SPA17: variants seen among roughly 807,000 people sequenced by gnomAD.
SPA17 encodes the protein sperm surface protein Sp17.
A neutral mutation model predicts 13.8 loss-of-function variants in SPA17; 7 were observed. That is an observed-to-expected ratio of 0.51 (90% CI 0.29 to 0.95). The LOEUF (loss-of-function observed/expected upper bound fraction) is 0.95. Ranked by LOEUF, SPA17 falls within the 40% of genes least tolerant of loss-of-function variation. SPA17 has a pLI of 0.08. For synonymous variants in SPA17, 61 were observed against 59.0 expected, an observed-to-expected ratio of 1.03 and a Z score of -0.16; for missense variants, 170 against 179.3, an observed-to-expected ratio of 0.95 and a Z score of 0.30.
At chr11:124,675,681 C>A in intron 2 of SPA17, 1 of 302,380 alleles carries the variant, frequency 3.3e-6, no homozygotes, top group Non-Finnish European at 6.2e-6. Context: ...AAGGTAACTG[C>A]AAAAGAGCAT....
At position 124,694,466 on chromosome 11, in the gene SPA17, A is replaced by G. The variant is rs1386500048; in HGVS notation, c.*20A>G. On this transcript the variant is annotated 3_prime_UTR_variant, in exon 5 of 5. Transcript: ENST00000227135. ...AAGTGAGGACACTGGTTTTACCTCC[A>G]GGAAACATGAAAAATAATCCAAATC... is the stretch of plus-strand genomic sequence containing the variant. 2.5e-6 allele frequency: 4 copies of G among 1,579,266 alleles called. No individual in the cohort carries two copies. Among genetic ancestry groups the G allele is most frequent in the Admixed American group, 3.8e-5 (2 of 52,408 alleles).
chr11:124,691,607 A>G (rs567711442), intron 3 of SPA17, 89 bp from the exon 4 acceptor site: 76 of 624,844 alleles, frequency 1.2e-4, no homozygotes, highest in Admixed American at 5.0e-4. Flanking sequence ...AGTAATTTAA[A>G]GTAATGTTTC....
intron 4 of SPA17, 87 bp downstream of exon 4, chr11:124,691,869 T>A (rs1198123870): frequency 1.4e-6 from 1 of 736,166 alleles, no homozygotes; most frequent in Non-Finnish European, 2.1e-6. Context: ...TGAATGTCTG[T>A]TATCTTTATT....
At chr11:124,688,934 C>T (rs902807963) in intron 3 of SPA17, among the ~76,000 whole-genome samples, 10 of 152,056 alleles carry the variant, frequency 6.6e-5, no homozygotes, top group Admixed American at 2.6e-4. Context: ...CTACAGTAAC[C>T]GAAACAGCAT....
At chr11:124,694,273 A>T in intron 4 of SPA17, 30 bp from the exon 5 acceptor site, 1 of 1,595,666 alleles carries the variant, frequency 6.3e-7, no homozygotes, top group East Asian at 2.2e-5. Context: ...ATATTTAAAG[A>T]GTCTCTTACT....
chr11:124,678,130 C>A (rs991002954), intron 2 of SPA17, among the ~76,000 whole-genome samples: 3 of 152,184 alleles, frequency 2.0e-5, no homozygotes, highest in African/African-American at 4.8e-5. Context: ...CTTTTCAGGG[C>A]ATCATTCTTT....
chr11:124,691,949 C>A (rs1325614330), intron 4 of SPA17, among the ~76,000 whole-genome samples, 167 bp downstream of exon 4: 2 of 152,246 alleles, frequency 1.3e-5, no homozygotes, highest in East Asian at 3.9e-4. Flanking sequence ...TAATTTTCAG[C>A]CATGCCTCTC....
intron 4 of SPA17, among the ~76,000 whole-genome samples, chr11:124,692,472 C>T (rs1468328887): frequency 1.3e-5 from 2 of 151,820 alleles, no homozygotes; most frequent in African/African-American, 2.4e-5. Context: ...TCCAGCTACT[C>T]GGGAGGCTGA....
intron 2 of SPA17, among the ~76,000 whole-genome samples, chr11:124,676,871 C>T (rs1294427665): frequency 6.6e-6 from 1 of 152,016 alleles, no homozygotes; most frequent in South Asian, 2.1e-4. Context: ...CAAATCTGCA[C>T]GTGTATCCCT....
At chr11:124,675,490 G>A in intron 2 of SPA17, 72 bp downstream of exon 2, 1 of 1,529,846 alleles carries the variant, frequency 6.5e-7, no homozygotes. Flanking sequence ...ACTTGCTTAA[G>A]ACCATCTCCA....
intron 3 of SPA17, among the ~76,000 whole-genome samples, chr11:124,684,551 C>G (rs915055768): frequency 1.3e-5 from 2 of 152,172 alleles, no homozygotes; most frequent in Admixed American, 6.5e-5. Context: ...TGCTTCCGGC[C>G]TAATGCAGTA....
chr11:124,689,963 CAG>C (rs1943610442), intron 3 of SPA17, among the ~76,000 whole-genome samples: 2 of 151,998 alleles, frequency 1.3e-5, no homozygotes, highest in African/African-American at 4.8e-5. Flanking sequence ...AAAATAATAA[CAG>C]ATACTGGCAA....
intron 2 of SPA17, among the ~76,000 whole-genome samples, chr11:124,677,868 C>T (rs1365021403): frequency 6.6e-6 from 1 of 152,196 alleles, no homozygotes; most frequent in East Asian, 1.9e-4. Flanking sequence ...ATGCAAATGG[C>T]ACTTATGAAA....
chr11:124,683,346 G>A (rs1943545415), intron 3 of SPA17, among the ~76,000 whole-genome samples: 1 of 151,834 alleles, frequency 6.6e-6, no homozygotes. Context: ...TGAATCAAAT[G>A]GGCCCACTAC....
Position 124,694,855 on chromosome 11 carries a change from T to A in SPA17, c.*409T>A, listed in dbSNP as rs1158139633. 6.5e-6 allele frequency: 1 copy of A among 153,460 alleles called. No homozygotes were observed. Among genetic ancestry groups the A allele is most frequent in the Non-Finnish European group, 1.5e-5 (1 of 68,948 alleles). 9.5% of individuals were successfully genotyped at this position (153,460 alleles called of 1,614,324 possible). A position where few individuals can be genotyped will look rare whatever the true frequency, so the allele number is the denominator to read the frequency against. On this transcript the variant is annotated 3_prime_UTR_variant, in exon 5 of 5. Coordinates refer to ENST00000227135, the MANE Select transcript of SPA17 (RefSeq NM_017425.4). Reference sequence around the variant, plus strand: ...GAATTTCACTGCTTTTTAAGGATAGTCTATTTAATTTTGGAATTTTTAGAA... The same window carrying A: ...GAATTTCACTGCTTTTTAAGGATAGACTATTTAATTTTGGAATTTTTAGAA...
rs1829745318 is a variant in SPA17, at chr11:124,695,705, T to A, written c.*1259T>A. On this transcript the variant is annotated 3_prime_UTR_variant, in exon 5 of 5. Coordinates refer to ENST00000227135, the MANE Select transcript of SPA17 (RefSeq NM_017425.4). Reference sequence around the variant, plus strand: ...CTGGTTCCAATTCCTGCCTGCACCATAGTGGATGGCCCATGATTTAGTTCC... The same window carrying A: ...CTGGTTCCAATTCCTGCCTGCACCAAAGTGGATGGCCCATGATTTAGTTCC... 1 of 152,272 alleles carries A rather than the reference T, an allele frequency of 6.6e-6. No individual in the cohort carries two copies. Among genetic ancestry groups the A allele is most frequent in the South Asian group, 2.1e-4 (1 of 4,834 alleles). The allele number at this position is 152,272 out of a possible 1,614,324, so 9.4% of individuals were successfully genotyped here.
rs376743796 is a variant in SPA17 at position 124,675,330 on chromosome 11, G to A, written c.66G>A (p.Gly22=). Residue 22 remains glycine, a synonymous_variant, in exon 2 of 5, where the codon GGG becomes GGA. Coordinates refer to ENST00000227135, the MANE Select transcript of SPA17 (RefSeq NM_017425.4). The part of the protein sequence containing the change: ...IPQGFGNLLE[G]LTREILREQP... ...AAGGATTTGGGAATCTTCTTGAAGG[G>A]CTGACACGCGAGATTCTGAGAGAGC... is the stretch of plus-strand genomic sequence containing the variant. 3 of 1,614,188 alleles carry A rather than the reference G, an allele frequency of 1.9e-6. No homozygotes were observed. In the South Asian group the frequency reaches 3.3e-5, roughly 18 times the overall value.
At chr11:124,681,025 T>C (rs1217576761) in intron 2 of SPA17, among the ~76,000 whole-genome samples, 1 of 152,150 alleles carries the variant, frequency 6.6e-6, no homozygotes, top group Non-Finnish European at 1.5e-5. Flanking sequence ...TCTGACAACT[T>C]AGCATTTAGG....
intron 2 of SPA17, 72 bp from the exon 3 acceptor site, chr11:124,681,316 AT>A: frequency 8.1e-7 from 1 of 1,235,790 alleles, no homozygotes; most frequent in Non-Finnish European, 1.1e-6. Flanking sequence ...AGAAACTTAC[AT>A]TTGTGTCACT....
Sources: gnomAD v4.1 joint callset for allele counts (sites outside exome capture counted in the v4.1 genomes callset) on GRCh38, gnomAD v4.1.1 for gene constraint, MANE v1.5 for transcripts, NCBI Gene and HGNC (gene_info 2026-07-23, HGNC 2026-07-21) for gene names.